Variants in ADK observed in about 807,000 individuals in gnomAD.
The protein encoded by ADK is N6,N6-dimethyladenosine kinase.
ADK carries 24 observed loss-of-function variants against 44.7 expected under a neutral mutation model. That is an observed-to-expected ratio of 0.54 (90% CI 0.39 to 0.76). ADK has a LOEUF of 0.76. Ranked by LOEUF, ADK falls within the 30% of genes least tolerant of loss-of-function variation. The pLI, the probability that ADK is intolerant of heterozygous loss-of-function variation, is 0.00. For synonymous variants in ADK, 128 were observed against 142.6 expected (o/e 0.90, Z 0.73); for missense variants, 321 against 425.1 (o/e 0.76, Z 2.15).
chr10:74,155,868 T>G (rs1028591404), intron 1 of ADK, among the ~76,000 whole-genome samples: 5 of 152,218 alleles, frequency 3.3e-5, no homozygotes, highest in Non-Finnish European at 7.3e-5. Context: ...AAAATTGAGC[T>G]TTGCTACTAT....
At chr10:74,380,851 C>G (rs1171962422) in intron 4 of ADK, among the ~76,000 whole-genome samples, 1 of 152,128 alleles carries the variant, frequency 6.6e-6, no homozygotes, top group Non-Finnish European at 1.5e-5. Context: ...TACTACCTGT[C>G]AGGGAAATGT....
chr10:74,505,041 AGAG>A (rs1848010553), intron 6 of ADK, among the ~76,000 whole-genome samples: 1 of 152,152 alleles, frequency 6.6e-6, no homozygotes, highest in Admixed American at 6.5e-5. Flanking sequence ...AGCAGGCTGA[AGAG>A]GAGGGTGGGG....
intron 8 of ADK, among the ~76,000 whole-genome samples, chr10:74,593,906 A>G (rs1851805487): frequency 6.6e-6 from 1 of 152,160 alleles, no homozygotes; most frequent in African/African-American, 2.4e-5. Context: ...TGCAGCAAAC[A>G]TATATGGGCA....
intron 1 of ADK, among the ~76,000 whole-genome samples, chr10:74,180,202 TTTC>T (rs1480331078): frequency 8.0e-6 from 1 of 125,732 alleles, no homozygotes; most frequent in Non-Finnish European, 1.8e-5. Context: ...CCATTTCTCT[TTTC>T]TTTTTATTAT....
At position 74,640,957 on chromosome 10, in the gene ADK, G is replaced by A. The variant is rs570466890; in HGVS notation, c.878-29226G>A. Among the ~76,000 whole-genome samples the A allele has an allele frequency of 2.6e-5, 4 of 152,306 alleles. No individual in the cohort carries two copies. In the South Asian group the frequency reaches 8.3e-4, roughly 32 times the overall value. On this transcript the variant is annotated intron_variant, in intron 9 of 10. Coordinates refer to ENST00000539909, the MANE Select transcript of ADK (RefSeq NM_006721.4). ...AATATAAAATATTATTTCACTGTCAGGATGTAATACCATGGGAAAAAGATT... is the reference window on the plus strand; with the variant it reads ...AATATAAAATATTATTTCACTGTCAAGATGTAATACCATGGGAAAAAGATT...
chr10:74,490,004 TTTAA>T, intron 6 of ADK, among the ~76,000 whole-genome samples: 1 of 121,408 alleles, frequency 8.2e-6, no homozygotes, highest in East Asian at 2.1e-4. Context: ...CCGTTTTATC[TTTAA>T]TAGTGTTTGA....
At chr10:74,187,577 T>C (rs1458016107) in intron 1 of ADK, among the ~76,000 whole-genome samples, 1 of 152,182 alleles carries the variant, frequency 6.6e-6, no homozygotes, top group East Asian at 1.9e-4. Context: ...TTGCATTTTC[T>C]TAATGCCTTT....
intron 9 of ADK, among the ~76,000 whole-genome samples, chr10:74,621,888 T>C (rs1207445715): frequency 6.6e-6 from 1 of 152,194 alleles, no homozygotes; most frequent in Non-Finnish European, 1.5e-5. Context: ...TCCACTTCTA[T>C]ACCATGGCCC....
chr10:74,511,503 A>T (rs1199852454), intron 6 of ADK, among the ~76,000 whole-genome samples: 1 of 152,116 alleles, frequency 6.6e-6, no homozygotes, highest in African/African-American at 2.4e-5. Flanking sequence ...TCTTCCTTGT[A>T]GAGGTCTTTT....
intron 3 of ADK, among the ~76,000 whole-genome samples, chr10:74,259,461 T>G (rs1050842794): frequency 6.9e-6 from 1 of 145,220 alleles, no homozygotes. Flanking sequence ...TTTTCCTTTT[T>G]TTTTTTTTTT....
chr10:74,233,487 C>A (rs12355188), intron 3 of ADK, among the ~76,000 whole-genome samples: 80,199 of 151,918 alleles, frequency 0.53, 22,271 homozygotes, highest in Non-Finnish European at 0.62. Context: ...CTGCCTCTAA[C>A]CAATGACTGC....
intron 9 of ADK, among the ~76,000 whole-genome samples, chr10:74,612,556 C>G (rs995399521): frequency 4.6e-5 from 7 of 152,092 alleles, no homozygotes; most frequent in African/African-American, 1.7e-4. Context: ...GCATAGTTAG[C>G]AAATATTTTC....
At chr10:74,329,287 C>A (rs978471446) in intron 4 of ADK, among the ~76,000 whole-genome samples, 3 of 151,838 alleles carry the variant, frequency 2.0e-5, no homozygotes. Flanking sequence ...AGTAAAAAAC[C>A]AAATAGTCTA....
chr10:74,698,764 G>C (rs545286355), intron 10 of ADK, among the ~76,000 whole-genome samples: 1 of 151,992 alleles, frequency 6.6e-6, no homozygotes, highest in Admixed American at 6.5e-5. Context: ...TTGCCATGTT[G>C]CCCAGGCTGG....
intron 10 of ADK, among the ~76,000 whole-genome samples, chr10:74,702,384 A>T (rs1856454135): frequency 6.6e-6 from 1 of 151,740 alleles, no homozygotes. Context: ...GGGTTTCATC[A>T]TATTGACCAG....
Position 74,708,701 on chromosome 10 carries a change from A to G in ADK, c.*256A>G, listed in dbSNP as rs1044526892. 7 of 341,340 alleles carry G rather than the reference A, an allele frequency of 2.1e-5. No homozygotes were observed. Among genetic ancestry groups the G allele is most frequent in the Middle Eastern group, 9.9e-4 (1 of 1,014 alleles). 21.1% of individuals were successfully genotyped at this position (341,340 alleles called of 1,614,324 possible). On this transcript the variant is annotated 3_prime_UTR_variant, in exon 11 of 11. Transcript: ENST00000539909. ...AATTAAACAAGAATATAACATTTCAATAGAAATTTTTATTTCATTTTCAAT... is the reference window on the plus strand; with the variant it reads ...AATTAAACAAGAATATAACATTTCAGTAGAAATTTTTATTTCATTTTCAAT...
intron 4 of ADK, among the ~76,000 whole-genome samples, chr10:74,355,900 C>T (rs2131922171): frequency 6.6e-6 from 1 of 151,546 alleles, no homozygotes; most frequent in East Asian, 1.9e-4. Context: ...GCATATTTGC[C>T]AATCAATCCA....
intron 6 of ADK, among the ~76,000 whole-genome samples, chr10:74,471,267 G>A (rs1447101409): frequency 6.6e-6 from 1 of 151,856 alleles, no homozygotes; most frequent in Non-Finnish European, 1.5e-5. Context: ...GTAGAGACTG[G>A]GTTTCACCAT....
rs954636266 is a variant in ADK at position 74,181,282 on chromosome 10, T to G, written c.66-19482T>G. Among the ~76,000 whole-genome samples, 3 of 152,162 alleles carry G rather than the reference T, an allele frequency of 2.0e-5. 1 individual carries two copies. The highest frequency in any genetic ancestry group is 6.6e-5 in the Admixed American group (1 of 15,262). On this transcript the variant is annotated intron_variant, in intron 1 of 10. Transcript: ENST00000539909. ...TTTAGGAATTCCTAAATAATAATTT[T>G]AAATGAAAACTTTTCTTTTTTTTTA...
Sources: gnomAD v4.1 joint callset for allele counts (sites outside exome capture counted in the v4.1 genomes callset) on GRCh38, gnomAD v4.1.1 for gene constraint, MANE v1.5 for transcripts, NCBI Gene and HGNC (gene_info 2026-07-23, HGNC 2026-07-21) for gene names.